Variants in ATF7IP2 observed in about 807,000 individuals in gnomAD.
ATF7IP2 encodes the protein activating transcription factor 7-interacting protein 2.
ATF7IP2 carries 42 observed loss-of-function variants against 64.2 expected under a neutral mutation model. That is an observed-to-expected ratio of 0.65 (90% CI 0.51 to 0.85). ATF7IP2 has a LOEUF of 0.85. ATF7IP2 is among the 40% of genes least tolerant of loss of function. ATF7IP2 has a pLI of 0.00. For synonymous variants in ATF7IP2, 308 were observed against 272.8 expected, an observed-to-expected ratio of 1.13 and a Z score of -1.27; for missense variants, 933 against 784.2, an observed-to-expected ratio of 1.19 and a Z score of -2.27.
intron 6 of ATF7IP2, among the ~76,000 whole-genome samples, chr16:10,434,604 C>T (rs2048358811): frequency 6.6e-6 from 1 of 152,068 alleles, no homozygotes; most frequent in Non-Finnish European, 1.5e-5. Context: ...TCTGTGTCTC[C>T]CTTTTGGTTT....
At chr16:10,424,808 G>GGAT (rs2048051612) in intron 3 of ATF7IP2, among the ~76,000 whole-genome samples, 1 of 152,150 alleles carries the variant, frequency 6.6e-6, no homozygotes, top group South Asian at 2.1e-4. Context: ...AGTTGAAACA[G>GGAT]GATGACTATA....
At chr16:10,414,499 C>A (rs1430197130) in intron 1 of ATF7IP2, 75 bp from the exon 2 acceptor site, 1 of 151,730 alleles carries the variant, frequency 6.6e-6, no homozygotes, top group African/African-American at 2.4e-5. Flanking sequence ...TTTTTGATTT[C>A]CTTAAATTAG....
chr16:10,428,979 AC>A lies in ATF7IP2; in HGVS notation c.-46del, dbSNP rs2048157042. Reference sequence around the variant, plus strand: ...GTGTCTAATTCCTGGGCTCAAGTGAACCTTTTGCATCAGCCTCCTGAATAGC... The same window carrying A: ...GTGTCTAATTCCTGGGCTCAAGTGAACTTTTGCATCAGCCTCCTGAATAGC... On this transcript the variant is annotated 5_prime_UTR_variant, in exon 4 of 14. Transcript: ENST00000562102. 6.6e-6 allele frequency: 1 copy of A among 151,888 alleles called. No individual in the cohort carries two copies. The highest frequency in any genetic ancestry group is 6.6e-5 in the Admixed American group (1 of 15,242). 9.4% of individuals were successfully genotyped at this position (151,888 alleles called of 1,614,324 possible). A position where few individuals can be genotyped will look rare whatever the true frequency, so the allele number is the denominator to read the frequency against.
Position 10,400,585 on chromosome 16 carries a change from C to A in ATF7IP2, c.-241-13989C>A, listed in dbSNP as rs1030094072. ...TTTGTTCAAGTTCTTAGAGGGGATT[C>A]TTTCAACCTTTCTTGATTTAGTATG... On this transcript the variant is annotated intron_variant, in intron 1 of 13. Coordinates refer to ENST00000562102, the MANE Select transcript of ATF7IP2 (RefSeq NM_001393719.1). Among the ~76,000 whole-genome samples the A allele has an allele frequency of 6.6e-5, 10 of 152,260 alleles. No homozygotes were observed. In the Middle Eastern group the frequency reaches 0.02, roughly 311 times the overall value.
At chr16:10,411,006 T>C (rs2047748356) in intron 1 of ATF7IP2, among the ~76,000 whole-genome samples, 1 of 152,224 alleles carries the variant, frequency 6.6e-6, no homozygotes, top group Admixed American at 6.5e-5. Context: ...TGTTATGTGG[T>C]GTATCACATT....
intron 2 of ATF7IP2, among the ~76,000 whole-genome samples, chr16:10,416,151 C>T (rs1235432515): frequency 6.6e-6 from 1 of 152,118 alleles, no homozygotes. Context: ...TCTGCAATTC[C>T]ATGTTTGTTG....
In ATF7IP2 at chr16:10,470,823, GTA is replaced by G. The variant is rs1340268411; in HGVS notation, c.1353-1273_1353-1272del. ...TATGTATATATATATATGTGTGTGTGTATATATATATATATGTGTGTGTATAT... is the reference window on the plus strand; with the variant it reads ...TATGTATATATATATATGTGTGTGTGTATATATATATATGTGTGTGTATAT... On this transcript the variant is annotated intron_variant, in intron 9 of 13. Coordinates refer to ENST00000562102, the MANE Select transcript of ATF7IP2 (RefSeq NM_001393719.1). Among the ~76,000 whole-genome samples the G allele has an allele frequency of 1.6e-3, 235 of 143,740 alleles. 1 individual carries two copies. In the South Asian group the frequency reaches 0.02, roughly 13 times the overall value. The allele number at this position is 143,740 out of a possible 152,430, so 94.3% of individuals were successfully genotyped here.
At chr16:10,429,944 C>A (rs377143610) in intron 4 of ATF7IP2, among the ~76,000 whole-genome samples, 1 of 151,666 alleles carries the variant, frequency 6.6e-6, no homozygotes, top group South Asian at 2.1e-4. Context: ...CCTCCACCTC[C>A]CGGGTTCGAG....
intron 3 of ATF7IP2, among the ~76,000 whole-genome samples, chr16:10,425,682 T>C (rs1269180127): frequency 3.9e-5 from 6 of 151,908 alleles, no homozygotes; most frequent in Non-Finnish European, 7.4e-5. Flanking sequence ...TCACCTGAGG[T>C]TGGGAGTTTG....
At position 10,482,246 on chromosome 16, in the gene ATF7IP2, G is replaced by A. The variant is rs141159056; in HGVS notation, c.2046G>A (p.Thr682=). 3.7e-4 allele frequency: 582 copies of A among 1,569,794 alleles called. No homozygotes were observed. Among genetic ancestry groups the A allele is most frequent in the African/African-American group, 5.5e-4 (40 of 72,772 alleles). ...TCCCTGGGTTTTCTGAAAATCTTAC[G>A]TAAAAGGTGTTTAATAATGATATAC... ...KSIPGFSENL[T] is the part of the protein sequence containing the mutation. Residue 682 remains threonine, a synonymous_variant, in exon 14 of 14, where the codon ACG becomes ACA. Coordinates refer to ENST00000562102, the MANE Select transcript of ATF7IP2 (RefSeq NM_001393719.1).
intron 1 of ATF7IP2, among the ~76,000 whole-genome samples, chr16:10,390,421 CA>C (rs2047298998): frequency 6.6e-6 from 1 of 152,054 alleles, no homozygotes; most frequent in African/African-American, 2.4e-5. Flanking sequence ...TAGAGTTTTT[CA>C]AAACTTGTGG....
At chr16:10,479,880 T>C (rs1653028729) in intron 12 of ATF7IP2, among the ~76,000 whole-genome samples, 1 of 151,236 alleles carries the variant, frequency 6.6e-6, no homozygotes, top group African/African-American at 2.4e-5. Context: ...GCGTTTACAC[T>C]GTTGGTAGGA....
chr16:10,451,399 C>G (rs191325333), intron 8 of ATF7IP2, among the ~76,000 whole-genome samples: 2 of 152,232 alleles, frequency 1.3e-5, no homozygotes, highest in African/African-American at 4.8e-5. Context: ...GGATAATATC[C>G]TGAAGAGTGT....
At chr16:10,469,566 G>A (rs2049710866) in intron 9 of ATF7IP2, among the ~76,000 whole-genome samples, 1 of 152,090 alleles carries the variant, frequency 6.6e-6, no homozygotes, top group South Asian at 2.1e-4. Context: ...ACATCACATA[G>A]AAAGGAACAG....
At chr16:10,415,357 G>A (rs7190183) in intron 2 of ATF7IP2, among the ~76,000 whole-genome samples, 84,473 of 152,080 alleles carry the variant, frequency 0.56, 23,514 homozygotes, top group East Asian at 0.7. Flanking sequence ...TGACAAAGAT[G>A]TCAAGAACAA....
chr16:10,439,780 C>T (rs1481703563), intron 7 of ATF7IP2, among the ~76,000 whole-genome samples: 1 of 143,442 alleles, frequency 7.0e-6, no homozygotes, highest in Non-Finnish European at 1.5e-5. Flanking sequence ...GTGATCTGCC[C>T]GCCTCGGCTT....
intron 1 of ATF7IP2, among the ~76,000 whole-genome samples, chr16:10,391,040 C>G (rs2047311069): frequency 6.6e-6 from 1 of 151,586 alleles, no homozygotes; most frequent in African/African-American, 2.4e-5. Flanking sequence ...CGCCAGTAGT[C>G]CTAGCTACTC....
At chr16:10,391,637 C>G (rs534266788) in intron 1 of ATF7IP2, among the ~76,000 whole-genome samples, 156 of 152,018 alleles carry the variant, frequency 1.0e-3, no homozygotes, top group Non-Finnish European at 1.7e-3. Flanking sequence ...GTGGCTCATG[C>G]CTGTAATCCC....
chr16:10,427,016 C>G (rs1479237157), intron 3 of ATF7IP2, among the ~76,000 whole-genome samples: 1 of 151,998 alleles, frequency 6.6e-6, no homozygotes, highest in Admixed American at 6.6e-5. Context: ...CCACACCCAG[C>G]AAATTTTTGT....
Sources: allele counts gnomAD v4.1 joint callset (sites outside exome capture counted in the v4.1 genomes callset), GRCh38; gene constraint gnomAD v4.1.1; transcripts MANE v1.5; gene names NCBI Gene and HGNC (gene_info 2026-07-23, HGNC 2026-07-21).